STPG2: variants seen among roughly 807,000 people sequenced by gnomAD.
The protein encoded by STPG2 is sperm tail PG-rich repeat containing 2.
Under a neutral mutation model 54.2 loss-of-function variants are expected in STPG2, and 56 were observed. The observed-to-expected ratio is 1.03, with a 90% CI of 0.83 to 1.29. The LOEUF (loss-of-function observed/expected upper bound fraction) is 1.29, where lower values mean the gene tolerates loss of function less well. Among genes scored for constraint, STPG2 ranks in the 50% most tolerant of loss-of-function variants. The pLI, the probability that STPG2 is intolerant of heterozygous loss-of-function variation, is 0.00. For missense variants in STPG2, 596 were observed against 544.9 expected (o/e 1.09, Z -0.93); for synonymous variants, 200 against 181.8 (o/e 1.10, Z -0.81).
intron 5 of STPG2, among the ~76,000 whole-genome samples, chr4:98,031,870 GC>G (rs1248160121): frequency 4.6e-5 from 7 of 151,822 alleles, no homozygotes; most frequent in Non-Finnish European, 1.0e-4. Flanking sequence ...AAGTCAGTAA[GC>G]AAAAAACAAA....
intron 10 of STPG2, among the ~76,000 whole-genome samples, chr4:97,618,584 G>C (rs1203481870): frequency 6.6e-6 from 1 of 152,118 alleles, no homozygotes; most frequent in Non-Finnish European, 1.5e-5. Context: ...TATGGTTCTA[G>C]CTTGTTCAGA....
chr4:97,772,711 T>A (rs1240803137), intron 9 of STPG2, among the ~76,000 whole-genome samples: 1 of 152,112 alleles, frequency 6.6e-6, no homozygotes, highest in African/African-American at 2.4e-5. Flanking sequence ...CTTCTCAAAA[T>A]TATAACAATA....
intron 9 of STPG2, among the ~76,000 whole-genome samples, chr4:97,742,519 C>CTG (rs150619013): frequency 0.012 from 1,563 of 125,066 alleles, 8 homozygotes; most frequent in African/African-American, 0.018. Flanking sequence ...AATGAATAAA[C>CTG]TGTGTGTGTG....
chr4:97,966,333 T>TA (rs34370161), intron 7 of STPG2, among the ~76,000 whole-genome samples: 59,744 of 151,426 alleles, frequency 0.39, 11,895 homozygotes, highest in Middle Eastern at 0.46. Context: ...GAAAAAAGAG[T>TA]AAAAGGAACC....
intron 8 of STPG2, among the ~76,000 whole-genome samples, chr4:97,915,244 CA>C (rs202043293): frequency 0.01 from 1,590 of 152,184 alleles, 32 homozygotes; most frequent in African/African-American, 0.036. Context: ...ATTTACGATA[CA>C]CTGGGAAAAG....
intron 8 of STPG2, among the ~76,000 whole-genome samples, chr4:97,880,258 A>G (rs1388303498): frequency 1.3e-5 from 2 of 152,188 alleles, no homozygotes; most frequent in Non-Finnish European, 2.9e-5. Flanking sequence ...GATCCTTTAC[A>G]TTTTGTTTCA....
At chr4:97,680,747 T>C (rs1352807757) in intron 10 of STPG2, among the ~76,000 whole-genome samples, 1 of 151,994 alleles carries the variant, frequency 6.6e-6, no homozygotes, top group East Asian at 1.9e-4. Context: ...AGAAATGGAA[T>C]AGCCAGGTGG....
chr4:97,486,809 G>GTA (rs1366446357), intron 4 of STPG2, among the ~76,000 whole-genome samples: 5 of 126,324 alleles, frequency 4.0e-5, no homozygotes, highest in East Asian at 2.3e-4. Context: ...ACTGTGGTGT[G>GTA]TGTGTGTGTG....
chr4:97,494,350 GA>G (rs1730563419), intron 4 of STPG2, among the ~76,000 whole-genome samples: 1 of 151,454 alleles, frequency 6.6e-6, no homozygotes, highest in Admixed American at 6.6e-5. Context: ...GAAGAGCAAA[GA>G]ACAACAAAGA....
At chr4:97,825,071 A>G (rs1267156790) in intron 9 of STPG2, among the ~76,000 whole-genome samples, 1 of 152,140 alleles carries the variant, frequency 6.6e-6, no homozygotes, top group Non-Finnish European at 1.5e-5. Flanking sequence ...AGTCAGCTTA[A>G]TTGAAAGTGG....
chr4:97,654,706 C>A (rs71606994), intron 10 of STPG2, among the ~76,000 whole-genome samples: 3,330 of 151,880 alleles, frequency 0.022, 60 homozygotes, highest in Non-Finnish European at 0.031. Flanking sequence ...GCGGCCAGAA[C>A]ACAACAGGCA....
intron 9 of STPG2, among the ~76,000 whole-genome samples, chr4:97,736,081 A>G (rs1178851820): frequency 6.6e-6 from 1 of 152,218 alleles, no homozygotes; most frequent in Non-Finnish European, 1.5e-5. Context: ...ACCCTTATAC[A>G]CTGTTGGTGG....
intron 9 of STPG2, among the ~76,000 whole-genome samples, chr4:97,784,485 G>A (rs1466379222): frequency 5.3e-5 from 8 of 151,772 alleles, no homozygotes; most frequent in African/African-American, 1.9e-4. Flanking sequence ...ATCACTAAGG[G>A]AATTAAGACA....
chr4:97,616,474 G>A (rs1054130345), intron 10 of STPG2, among the ~76,000 whole-genome samples: 1 of 151,906 alleles, frequency 6.6e-6, no homozygotes, highest in Non-Finnish European at 1.5e-5. Context: ...ACATGATTTT[G>A]TATCTATCTA....
At chr4:97,729,900 T>G (rs1578513345) in intron 9 of STPG2, among the ~76,000 whole-genome samples, 1 of 152,352 alleles carries the variant, frequency 6.6e-6, no homozygotes, top group East Asian at 1.9e-4. Context: ...TGTTATTGCC[T>G]AGAAAAACTA....
At chr4:97,597,095 A>C (rs1438614351) in intron 10 of STPG2, among the ~76,000 whole-genome samples, 2 of 152,142 alleles carry the variant, frequency 1.3e-5, no homozygotes, top group East Asian at 1.9e-4. Context: ...CACCATCTGC[A>C]CAGAAATACA....
At chr4:97,804,087 G>A (rs78621434) in intron 9 of STPG2, among the ~76,000 whole-genome samples, 3,853 of 152,106 alleles carry the variant, frequency 0.025, 69 homozygotes, top group Non-Finnish European at 0.039. Context: ...AAATCCAAAC[G>A]TTTTTATTTC....
At chr4:97,941,369 TG>T (rs1290399080) in intron 8 of STPG2, among the ~76,000 whole-genome samples, 1 of 152,242 alleles carries the variant, frequency 6.6e-6, no homozygotes, top group African/African-American at 2.4e-5. Flanking sequence ...TTATTCAGCT[TG>T]AAACAACTTT....
intron 10 of STPG2, among the ~76,000 whole-genome samples, chr4:97,655,833 G>T (rs1026890580): frequency 6.6e-6 from 1 of 151,980 alleles, no homozygotes; most frequent in Admixed American, 6.6e-5. Context: ...AACAAAATAC[G>T]TAAATATATA....
Sources: allele counts gnomAD v4.1 joint callset (sites outside exome capture counted in the v4.1 genomes callset), GRCh38; gene constraint gnomAD v4.1.1; transcripts MANE v1.5; gene names NCBI Gene and HGNC (gene_info 2026-07-23, HGNC 2026-07-21).